SPATA16: variants seen among roughly 807,000 people sequenced by gnomAD.
SPATA16 encodes the protein spermatogenesis-associated protein 16.
SPATA16 carries 36 observed loss-of-function variants against 63.3 expected under a neutral mutation model. The observed-to-expected ratio is 0.57, with a 90% CI of 0.44 to 0.75. The LOEUF (loss-of-function observed/expected upper bound fraction) is 0.75. SPATA16 is among the 30% of genes least tolerant of loss of function. SPATA16 has a pLI of 0.00. For missense variants in SPATA16, 646 were observed against 679.3 expected (o/e 0.95, Z 0.54); for synonymous variants, 203 against 216.7 (o/e 0.94, Z 0.56).
At chr3:172,914,362 T>A (rs1413632778) in intron 9 of SPATA16, among the ~76,000 whole-genome samples, 1 of 152,160 alleles carries the variant, frequency 6.6e-6, no homozygotes, top group Non-Finnish European at 1.5e-5. Context: ...ACACATGGTG[T>A]GTATTTGACC....
chr3:172,996,827 C>T (rs1165866997), intron 4 of SPATA16, among the ~76,000 whole-genome samples: 1 of 152,104 alleles, frequency 6.6e-6, no homozygotes, highest in Non-Finnish European at 1.5e-5. Flanking sequence ...TAAGCCCTGG[C>T]AACCAGTGAT....
chr3:173,117,027 C>T (rs918110620), intron 2 of SPATA16, 93 bp downstream of exon 2: 2 of 1,253,876 alleles, frequency 1.6e-6, no homozygotes, highest in African/African-American at 2.9e-5. Context: ...ATGATCACTG[C>T]TTATTACAGT....
chr3:173,063,234 G>A (rs931749900), intron 2 of SPATA16, among the ~76,000 whole-genome samples: 1 of 152,156 alleles, frequency 6.6e-6, no homozygotes, highest in African/African-American at 2.4e-5. Flanking sequence ...AGGTCAACAT[G>A]TATTGAGCAA....
chr3:173,077,011 C>T (rs1736823404), intron 2 of SPATA16, among the ~76,000 whole-genome samples: 1 of 152,124 alleles, frequency 6.6e-6, no homozygotes, highest in African/African-American at 2.4e-5. Context: ...TCTAACATCT[C>T]TACGTACATG....
At chr3:173,040,195 T>C (rs1344879845) in intron 3 of SPATA16, among the ~76,000 whole-genome samples, 2 of 152,168 alleles carry the variant, frequency 1.3e-5, no homozygotes, top group South Asian at 2.1e-4. Flanking sequence ...CTTGTGTTCA[T>C]ACAAGAGAAA....
At chr3:173,038,278 C>T (rs1485741833) in intron 3 of SPATA16, among the ~76,000 whole-genome samples, 1 of 151,958 alleles carries the variant, frequency 6.6e-6, no homozygotes, top group Non-Finnish European at 1.5e-5. Context: ...TTCTCCAAGC[C>T]AAGTGTCCCA....
rs76890900 is a variant in SPATA16, at chr3:172,978,911, G to A, written c.849-1859C>T. 2.6e-4 allele frequency among the ~76,000 whole-genome samples: 39 copies of A among 152,296 alleles called. No individual in the cohort carries two copies. The East Asian group carries it at 7.3e-3, about 29-fold the overall frequency. On this transcript the variant is annotated intron_variant, in intron 4 of 10. Transcript: ENST00000351008. Reference sequence around the variant, plus strand: ...ATAAGAAAATTAGTAGGTTGATCAAGCCATGGTGGGCATTTATATAATTGT... The same window carrying A: ...ATAAGAAAATTAGTAGGTTGATCAAACCATGGTGGGCATTTATATAATTGT...
At chr3:173,071,822 C>T (rs1450813598) in intron 2 of SPATA16, among the ~76,000 whole-genome samples, 2 of 152,116 alleles carry the variant, frequency 1.3e-5, no homozygotes, top group East Asian at 1.9e-4. Flanking sequence ...GAATGCTCAA[C>T]GTCACTAATC....
chr3:173,029,406 G>GTTTTTTTTTTTTTTTTTTTTTTTTTT (rs57233262), intron 3 of SPATA16, among the ~76,000 whole-genome samples: 1 of 139,852 alleles, frequency 7.2e-6, no homozygotes, highest in African/African-American at 2.8e-5. Context: ...AGTAATCAGA[G>GTTTTTTTTTTTTTTTTTTTTTTTTTT]TTTTTTTTTT....
chr3:172,931,033 A>G (rs1291931282), intron 6 of SPATA16, among the ~76,000 whole-genome samples: 1 of 151,226 alleles, frequency 6.6e-6, no homozygotes, highest in Non-Finnish European at 1.5e-5. Flanking sequence ...CTTGTTGGGC[A>G]GGCTGGTCTC....
chr3:173,117,466 T>C lies in SPATA16; in HGVS notation c.266A>G (p.Glu89Gly), dbSNP rs756332666. 4 of 1,614,186 alleles carry C rather than the reference T, an allele frequency of 2.5e-6. No individual in the cohort carries two copies. The South Asian group carries it at 4.4e-5, about 18-fold the overall frequency. ...KAAFKRKAEG[E>G]EKPTRKKQAK... ...CTGTTTCTTTCTAGTTGGCTTTTCT[T>C]CACCTTCTGCCTTCCGTTTAAAGGC... The change falls in exon 2 of 11, where the codon GAA becomes GGA. Residue 89 changes from glutamate to glycine, a missense_variant. By Grantham distance (98) the Glu-to-Gly change is moderately conservative (BLOSUM62 -2). Coordinates refer to ENST00000351008, the MANE Select transcript of SPATA16 (RefSeq NM_031955.6).
In SPATA16 at chr3:173,088,007, C is replaced by CATCTTTCTTTCTTTCT. The variant is rs1553801607; in HGVS notation, c.612+29112_612+29113insAGAAAGAAAGAAAGAT. 5.3e-4 allele frequency among the ~76,000 whole-genome samples: 63 copies of CATCTTTCTTTCTTTCT among 118,368 alleles called. 4 individuals are homozygous for CATCTTTCTTTCTTTCT. Among genetic ancestry groups the CATCTTTCTTTCTTTCT allele is most frequent in the East Asian group, 2.0e-3 (8 of 3,996 alleles). 77.7% of individuals were successfully genotyped at this position (118,368 alleles called of 152,430 possible). On this transcript the variant is annotated intron_variant, in intron 2 of 10. Coordinates refer to ENST00000351008, the MANE Select transcript of SPATA16 (RefSeq NM_031955.6). ...AATCTGATGATTAGCATTTTCTTTC[C>CATCTTTCTTTCTTTCT]GTCTTTCTTTCTTTCTTTCTTTCTT...
rs372937515 is a variant in SPATA16, at chr3:173,117,615, G to A, written c.117C>T (p.Asn39=). ...TAATCTCTTGTGACATTTCCAGGAT[G>A]TTAGGTGGGTGCGCTAAGGTGGACA... is the stretch of plus-strand genomic sequence containing the variant. The part of the protein sequence containing the change: ...KKMSTLAHPP[N]ILEMSQEIKK... The change falls in exon 2 of 11, where the codon AAC becomes AAT. Residue 39 remains asparagine (N), a synonymous_variant. Transcript: ENST00000351008. 1.5e-4 allele frequency: 235 copies of A among 1,613,838 alleles called. No individual in the cohort carries two copies. The highest frequency in any genetic ancestry group is 4.9e-4 in the Middle Eastern group (3 of 6,084).
intron 2 of SPATA16, among the ~76,000 whole-genome samples, chr3:173,114,576 C>A (rs1282178046): frequency 6.6e-6 from 1 of 152,172 alleles, no homozygotes. Flanking sequence ...ACCATATCAG[C>A]CCTTGACTAC....
At chr3:173,127,920 C>G (rs1738269502) in intron 1 of SPATA16, among the ~76,000 whole-genome samples, 1 of 152,230 alleles carries the variant, frequency 6.6e-6, no homozygotes, top group African/African-American at 2.4e-5. Flanking sequence ...CTGAACCAAT[C>G]TAAACTATGA....
chr3:172,924,165 A>G (rs1349736973), intron 8 of SPATA16, 43 bp downstream of exon 8: 2 of 1,427,152 alleles, frequency 1.4e-6, no homozygotes, highest in African/African-American at 1.4e-5. Context: ...AGAATTCTCT[A>G]ATATTTGTAC....
In SPATA16 at chr3:172,989,497, G is replaced by A. The variant is rs548209731; in HGVS notation, c.849-12445C>T. 2.0e-5 allele frequency among the ~76,000 whole-genome samples: 3 copies of A among 152,266 alleles called. No individual in the cohort carries two copies. The East Asian group carries it at 5.8e-4, about 29-fold the overall frequency. ...GCACAGAGGTTGAAAACTCTGACTT[G>A]GGAGCTAGACAGCGTTTGTTTGAAT... is the stretch of plus-strand genomic sequence containing the variant. On this transcript the variant is annotated intron_variant, in intron 4 of 10. Transcript: ENST00000351008.
At chr3:173,081,781 T>C (rs1736930508) in intron 2 of SPATA16, among the ~76,000 whole-genome samples, 1 of 152,212 alleles carries the variant, frequency 6.6e-6, no homozygotes, top group Admixed American at 6.5e-5. Flanking sequence ...TCAACACCCA[T>C]GTTAAATATT....
Position 172,976,138 on chromosome 3 carries a change from C to A in SPATA16, c.933+830G>T, listed in dbSNP as rs551210365. On this transcript the variant is annotated intron_variant, in intron 5 of 10. Coordinates refer to ENST00000351008, the MANE Select transcript of SPATA16 (RefSeq NM_031955.6). ...AGTTGGCTTTTGTAGTTGATTTTCACATATTTATAACAATTTCATTGGAAA... is the reference window on the plus strand; with the variant it reads ...AGTTGGCTTTTGTAGTTGATTTTCAAATATTTATAACAATTTCATTGGAAA... Among the ~76,000 whole-genome samples, 551 of 152,194 alleles carry A rather than the reference C, an allele frequency of 3.6e-3. 3 individuals are homozygous for A. The highest frequency in any genetic ancestry group is 0.013 in the African/African-American group (538 of 41,564).
Sources: gnomAD v4.1 joint callset for allele counts (sites outside exome capture counted in the v4.1 genomes callset) on GRCh38, gnomAD v4.1.1 for gene constraint, MANE v1.5 for transcripts, NCBI Gene and HGNC (gene_info 2026-07-23, HGNC 2026-07-21) for gene names.